Variants in ZNF875 observed in about 807,000 individuals in gnomAD.
ZNF875 encodes the protein HKR1, GLI-Kruppel zinc finger family member.
In ZNF875, 14 loss-of-function variants were observed where a neutral mutation model predicts 11.2. The ratio of observed to expected loss-of-function variants is 1.26; its 90% CI spans 0.83 to 1.96. ZNF875 has a LOEUF of 1.96. ZNF875 is among the 30% of genes most tolerant of loss of function. ZNF875 has a pLI of 0.00. For missense variants in ZNF875, 752 were observed against 760.4 expected, an observed-to-expected ratio of 0.99 and a Z score of 0.13; for synonymous variants, 301 against 281.1, an observed-to-expected ratio of 1.07 and a Z score of -0.71.
At chr19:37,317,980 C>G (rs569023284) in exon 1 of ZNF875, 8 of 155,878 alleles carry the variant, frequency 5.1e-5, no homozygotes, top group Admixed American at 1.9e-4. Flanking sequence ...TTCGGCCAAG[C>G]GCCCACCGGA....
At chr19:37,343,212 C>T (rs565010915) in intron 2 of ZNF875, among the ~76,000 whole-genome samples, 3 of 152,116 alleles carry the variant, frequency 2.0e-5, no homozygotes, top group Admixed American at 2.0e-4. Context: ...TGGTACACAC[C>T]TGTAGTCCCA....
In ZNF875 at chr19:37,347,295, T is replaced by C. The variant is rs771006012; in HGVS notation, c.139T>C (p.Tyr47His). ...GCACAGGGAGGTGATGCTGGAGACT[T>C]ATAACCATCTGGTCTCACTGGGTAA... is the stretch of plus-strand genomic sequence containing the variant. Reference protein sequence around the residue: ...TLHREVMLETYNHLVSLEIPS... With the variant: ...TLHREVMLETHNHLVSLEIPS... The change falls in exon 3 of 5, where the codon TAT (tyrosine) becomes CAT (histidine). Residue 47 changes from tyrosine (Y) to histidine (H), a missense_variant. Transcript: ENST00000392153. 7.4e-6 allele frequency: 12 copies of C among 1,613,760 alleles called. No homozygotes were observed. Among genetic ancestry groups the C allele is most frequent in the Non-Finnish European group, 1.0e-5 (12 of 1,179,844 alleles).
rs1415726419 is a variant in ZNF875, at chr19:37,362,414, C to T, written c.562C>T (p.Gln188Ter). ...CCCACCTGAAGAACAACAGCCAGCA[C>T]AGTCCAAGGAAGACAACACAGTGGT... ...SSPPEEQQPA[Q>*]SKEDNTVVDI... Residue 188 changes from glutamine (Q) to a stop codon, truncating the protein, a stop_gained, in exon 5 of 5, where the codon CAG becomes TAG. Coordinates refer to ENST00000392153, the MANE Select transcript of ZNF875 (RefSeq NM_001353803.2). LOFTEE classifies it low-confidence loss of function (END_TRUNC). 6.2e-7 allele frequency: 1 copy of T among 1,614,130 alleles called. No individual in the cohort carries two copies. The highest frequency in any genetic ancestry group is 1.7e-5 in the Admixed American group (1 of 60,010).
rs2040039550 is a variant in ZNF875 at position 37,362,129 on chromosome 19, CT to C, written c.279del (p.Ser94ValfsTer6). 6.2e-7 allele frequency: 1 copy of C among 1,612,342 alleles called. No homozygotes were observed. Among genetic ancestry groups the C allele is most frequent in the Middle Eastern group, 1.7e-4 (1 of 6,042 alleles). On this transcript the variant is annotated frameshift_variant, in exon 5 of 5. Coordinates refer to ENST00000392153, the MANE Select transcript of ZNF875 (RefSeq NM_001353803.2). LOFTEE classifies it low-confidence loss of function (END_TRUNC). Reference sequence around the variant, plus strand: ...AGCAGAATCGAAGCCAGAAATTCAACTTAGTCCCTCCTGCCCTCTGATTTTC... The same window carrying C: ...AGCAGAATCGAAGCCAGAAATTCAACTAGTCCCTCCTGCCCTCTGATTTTC... ...LCPESKPEIQLSPSCPLIFSS... is the reference protein window; with the variant it reads ...LCPESKPEIQXSPSCPLIFSS...
At chr19:37,347,083 C>G in intron 2 of ZNF875, 107 bp from the exon 3 acceptor site, 1 of 1,500,876 alleles carries the variant, frequency 6.7e-7, no homozygotes, top group Non-Finnish European at 9.2e-7. Flanking sequence ...TCCCAAAGTG[C>G]TGGGATTACA....
chr19:37,332,443 C>A (rs1012115002), upstream of ZNF875, among the ~76,000 whole-genome samples: 1 of 152,138 alleles, frequency 6.6e-6, no homozygotes, highest in Non-Finnish European at 1.5e-5. Flanking sequence ...TCTCGAACTC[C>A]CGACCTCAGG....
chr19:37,326,369 G>A (rs1240760166), intron 4 of ZNF875, among the ~76,000 whole-genome samples: 4 of 152,010 alleles, frequency 2.6e-5, no homozygotes, highest in Non-Finnish European at 4.4e-5. Flanking sequence ...TGTGACTATC[G>A]TGTCCCTCCT....
intron 4 of ZNF875, chr19:37,359,313 G>A (rs113154836): frequency 0.012 from 2,015 of 164,988 alleles, 38 homozygotes; most frequent in East Asian, 0.054. Flanking sequence ...GCATTCATCC[G>A]TCCTCCCATC....
chr19:37,326,664 C>CTTTTTTTTTTTTTTTT (rs35805509), intron 4 of ZNF875, among the ~76,000 whole-genome samples: 1 of 88,084 alleles, frequency 1.1e-5, no homozygotes, highest in Non-Finnish European at 2.1e-5. Context: ...AATTAGAAAG[C>CTTTTTTTTTTTTTTTT]TTTTTTTTTT....
intron 2 of ZNF875, chr19:37,337,851 G>A (rs1474272131): frequency 6.6e-6 from 1 of 152,134 alleles, no homozygotes; most frequent in Admixed American, 6.5e-5. Flanking sequence ...CTGTTTAACA[G>A]TCATTTTTGA....
At chr19:37,313,191 A>T (rs1016569791), upstream of ZNF875, 18 of 150,446 alleles carry the variant, frequency 1.2e-4, no homozygotes, top group African/African-American at 4.5e-4. Flanking sequence ...AAGCCAAAAG[A>T]AAAAGACAAC....
chr19:37,351,649 T>C (rs2146387461), intron 4 of ZNF875, among the ~76,000 whole-genome samples: 2 of 152,346 alleles, frequency 1.3e-5, no homozygotes, highest in Middle Eastern at 3.4e-3. Context: ...TGATATTTTC[T>C]AATTTTCTTA....
chr19:37,341,332 C>T (rs995507286), intron 2 of ZNF875, among the ~76,000 whole-genome samples: 8 of 152,196 alleles, frequency 5.3e-5, no homozygotes, highest in African/African-American at 1.9e-4. Context: ...GCAGATTTCA[C>T]CTGGTCTTGT....
intron 4 of ZNF875, among the ~76,000 whole-genome samples, chr19:37,350,531 A>G (rs1373258537): frequency 6.6e-6 from 1 of 152,162 alleles, no homozygotes; most frequent in Non-Finnish European, 1.5e-5. Flanking sequence ...AAACCAGGTA[A>G]CTGACATTGG....
At chr19:37,334,261 C>T (rs1455081344), upstream of ZNF875, among the ~76,000 whole-genome samples, 1 of 152,206 alleles carries the variant, frequency 6.6e-6, no homozygotes, top group Middle Eastern at 3.2e-3. Context: ...CCGCGTCTGT[C>T]CCGACCTGGC....
At chr19:37,344,698 A>T in intron 2 of ZNF875, 1 of 1,614,004 alleles carries the variant, frequency 6.2e-7, no homozygotes. Flanking sequence ...AGGGTCAACC[A>T]CACAGTGTCT....
intron 4 of ZNF875, among the ~76,000 whole-genome samples, chr19:37,360,887 C>T (rs2039783707): frequency 6.6e-6 from 1 of 151,794 alleles, no homozygotes; most frequent in Non-Finnish European, 1.5e-5. Context: ...GTATTGTTTT[C>T]TCAGTTTCAT....
Position 37,363,341 on chromosome 19 carries a change from C to A in ZNF875, c.1489C>A (p.Gln497Lys). ...FTRKSTLSTHQRTHSGEKPFV... is the reference protein window; with the variant it reads ...FTRKSTLSTHKRTHSGEKPFV... The stretch of plus-strand genomic sequence containing the variant: ...CCGGAAATCAACCCTGAGCACGCAC[C>A]AGAGGACACACTCAGGGGAGAAGCC... The change falls in exon 5 of 5, where the codon CAG becomes AAG. Residue 497 changes from glutamine to lysine, a missense_variant. Gln to Lys is a moderately conservative substitution (Grantham distance 53). Coordinates refer to ENST00000392153, the MANE Select transcript of ZNF875 (RefSeq NM_001353803.2). The A allele has an allele frequency of 6.2e-7, 1 of 1,610,902 alleles. No homozygotes were observed. Among genetic ancestry groups the A allele is most frequent in the Non-Finnish European group, 8.5e-7 (1 of 1,177,878 alleles).
intron 4 of ZNF875, among the ~76,000 whole-genome samples, chr19:37,328,194 G>T (rs985979669): frequency 1.3e-5 from 2 of 151,308 alleles, no homozygotes; most frequent in African/African-American, 4.9e-5. Flanking sequence ...AGCCAAGATC[G>T]CACCATTGCA....
Sources: gnomAD v4.1 joint callset for allele counts (sites outside exome capture counted in the v4.1 genomes callset) on GRCh38, gnomAD v4.1.1 for gene constraint, MANE v1.5 for transcripts, NCBI Gene and HGNC (gene_info 2026-07-23, HGNC 2026-07-21) for gene names.